The following ANO3 variants were observed in gnomAD, a reference collection of about 807,000 sequenced individuals.
ANO3 encodes the protein anoctamin 3.
Under a neutral mutation model 144.8 loss-of-function variants are expected in ANO3, and 99 were observed. That is an observed-to-expected ratio of 0.68 (90% CI 0.58 to 0.81). ANO3 has a LOEUF of 0.81. Among genes scored for constraint, ANO3 ranks in the 30% least tolerant of loss-of-function variants. ANO3 has a pLI of 0.00. For synonymous variants in ANO3, 414 were observed against 392.6 expected (o/e 1.05, Z -0.64); for missense variants, 905 against 1,202.2 (o/e 0.75, Z 3.66).
chr11:26,575,986 G>A (rs769854063), intron 14 of ANO3, among the ~76,000 whole-genome samples: 3 of 152,162 alleles, frequency 2.0e-5, no homozygotes, highest in East Asian at 1.9e-4. Context: ...TGATACTTTT[G>A]CTGACGTGAT....
chr11:26,608,592 G>A (rs1026156634), intron 17 of ANO3, among the ~76,000 whole-genome samples: 1 of 152,142 alleles, frequency 6.6e-6, no homozygotes, highest in Non-Finnish European at 1.5e-5. Context: ...CCCTGTCCCT[G>A]GGGACCCAGG....
chr11:26,532,477 A>G (rs933067619), intron 8 of ANO3, among the ~76,000 whole-genome samples: 3 of 152,070 alleles, frequency 2.0e-5, no homozygotes, highest in Admixed American at 1.3e-4. Flanking sequence ...CACCTTTCTT[A>G]AGACTCTGAA....
chr11:26,582,727 T>G (rs1851168011), intron 14 of ANO3, among the ~76,000 whole-genome samples: 1 of 152,182 alleles, frequency 6.6e-6, no homozygotes, highest in Non-Finnish European at 1.5e-5. Context: ...CTTTATACTT[T>G]TAATTAATTA....
At chr11:26,359,153 A>G (rs553958494) in intron 1 of ANO3, among the ~76,000 whole-genome samples, 2 of 152,334 alleles carry the variant, frequency 1.3e-5, no homozygotes, top group African/African-American at 4.8e-5. Context: ...ACCTTGTAGA[A>G]TGCTGGAAAT....
intron 17 of ANO3, among the ~76,000 whole-genome samples, chr11:26,613,019 C>A (rs1228718985): frequency 6.6e-6 from 1 of 152,082 alleles, no homozygotes; most frequent in African/African-American, 2.4e-5. Flanking sequence ...CTTCCTGAAT[C>A]TATCTAGATA....
chr11:26,657,522 A>C (rs1853726355), intron 26 of ANO3, among the ~76,000 whole-genome samples: 1 of 152,142 alleles, frequency 6.6e-6, no homozygotes, highest in Admixed American at 6.6e-5. Flanking sequence ...ATGGATTCAA[A>C]GCAAACTGTC....
intron 1 of ANO3, among the ~76,000 whole-genome samples, chr11:26,414,362 T>G (rs1393928269): frequency 3.9e-5 from 6 of 151,972 alleles, no homozygotes; most frequent in Admixed American, 1.3e-4. Flanking sequence ...AACAATAGAC[T>G]GGATAAAGAA....
intron 1 of ANO3, among the ~76,000 whole-genome samples, chr11:26,404,548 C>G (rs1266463283): frequency 6.6e-6 from 1 of 151,584 alleles, no homozygotes; most frequent in South Asian, 2.1e-4. Context: ...GCAACGTTCC[C>G]GAAATATTGT....
intron 1 of ANO3, among the ~76,000 whole-genome samples, chr11:26,202,600 T>C (rs1255447894): frequency 6.6e-6 from 1 of 151,536 alleles, no homozygotes; most frequent in Non-Finnish European, 1.5e-5. Context: ...GGAGGGGACA[T>C]TTGAACAGAA....
At chr11:26,384,971 A>G (rs1210802888) in intron 1 of ANO3, among the ~76,000 whole-genome samples, 1 of 152,208 alleles carries the variant, frequency 6.6e-6, no homozygotes, top group African/African-American at 2.4e-5. Flanking sequence ...CTGGGTGCCA[A>G]AATCCTCTAC....
At chr11:26,454,588 G>C (rs1365105486) in intron 3 of ANO3, among the ~76,000 whole-genome samples, 1 of 151,852 alleles carries the variant, frequency 6.6e-6, no homozygotes, top group East Asian at 1.9e-4. Flanking sequence ...ATAATCAATA[G>C]CTTACCAACC....
chr11:26,549,395 G>C (rs1293721109), intron 12 of ANO3, among the ~76,000 whole-genome samples: 1 of 151,956 alleles, frequency 6.6e-6, no homozygotes, highest in Non-Finnish European at 1.5e-5. Context: ...CAAGGTGTCA[G>C]ACGTGGTTGA....
At chr11:26,438,600 AAAAAAAAAG>A (rs1177001491) in intron 1 of ANO3, among the ~76,000 whole-genome samples, 2 of 126,468 alleles carry the variant, frequency 1.6e-5, no homozygotes, top group Non-Finnish European at 3.6e-5. Context: ...TACAAAAAAA[AAAAAAAAAG>A]AAAAAAAAAA....
chr11:26,428,977 C>T (rs956333537), intron 1 of ANO3, among the ~76,000 whole-genome samples: 1 of 152,188 alleles, frequency 6.6e-6, no homozygotes, highest in Non-Finnish European at 1.5e-5. Context: ...TCCTCTCCCC[C>T]ATTATCAGAG....
chr11:26,620,874 A>G (rs1043181262), intron 17 of ANO3, among the ~76,000 whole-genome samples: 2 of 152,222 alleles, frequency 1.3e-5, no homozygotes, highest in Non-Finnish European at 2.9e-5. Context: ...CTTAACCAAG[A>G]AAAGAGGTAA....
chr11:26,392,279 T>G (rs943304315), intron 1 of ANO3, among the ~76,000 whole-genome samples: 6 of 151,080 alleles, frequency 4.0e-5, no homozygotes, highest in Non-Finnish European at 8.8e-5. Flanking sequence ...TCTAATGTGT[T>G]GGGCTTCAGC....
chr11:26,362,760 TTTAA>T (rs929797945), intron 1 of ANO3, among the ~76,000 whole-genome samples: 27 of 152,362 alleles, frequency 1.8e-4, no homozygotes, highest in African/African-American at 5.3e-4. Context: ...TTGCTATTTT[TTTAA>T]TTAACTTGTA....
chr11:26,535,431 G>A (rs1211197546), intron 9 of ANO3, among the ~76,000 whole-genome samples: 1 of 152,070 alleles, frequency 6.6e-6, no homozygotes, highest in Non-Finnish European at 1.5e-5. Flanking sequence ...CGAAATGCTT[G>A]AAGGGATCAA....
At chr11:26,261,129 C>A (rs1471843740) in intron 1 of ANO3, among the ~76,000 whole-genome samples, 1 of 152,020 alleles carries the variant, frequency 6.6e-6, no homozygotes, top group Non-Finnish European at 1.5e-5. Context: ...TTCTAAGGGG[C>A]CTGAAATAGC....
Sources: allele counts gnomAD v4.1 joint callset (sites outside exome capture counted in the v4.1 genomes callset), GRCh38; gene constraint gnomAD v4.1.1; transcripts MANE v1.5; gene names NCBI Gene and HGNC (gene_info 2026-07-23, HGNC 2026-07-21).